The following EXT1 variants were observed in gnomAD, a reference collection of about 807,000 sequenced individuals.
EXT1 encodes the protein exostosin glycosyltransferase 1, also known as exostosin-1.
EXT1 carries 20 observed loss-of-function variants against 82.5 expected under a neutral mutation model. The observed-to-expected ratio is 0.24, with a 90% CI of 0.17 to 0.35. The LOEUF is 0.35. EXT1 is among the 10% of genes least tolerant of loss of function. The probability of loss-of-function intolerance (pLI) is 1.00; values close to 1 mark genes in which losing one functional copy is unlikely to be tolerated. For missense variants in EXT1, 757 were observed against 936.5 expected, an observed-to-expected ratio of 0.81 and a Z score of 2.50; for synonymous variants, 348 against 350.8, an observed-to-expected ratio of 0.99 and a Z score of 0.09.
At chr8:117,809,105 G>A (rs1404214667) in intron 8 of EXT1, among the ~76,000 whole-genome samples, 2 of 151,160 alleles carry the variant, frequency 1.3e-5, no homozygotes, top group Admixed American at 1.3e-4. Context: ...GGATTTCTCA[G>A]CCCCCAGGAT....
chr8:117,807,953 C>A (rs374822826), intron 8 of EXT1, among the ~76,000 whole-genome samples: 11 of 151,860 alleles, frequency 7.2e-5, no homozygotes, highest in African/African-American at 2.2e-4. Flanking sequence ...TTTGAAGATG[C>A]ACAGTTTAAG....
chr8:117,799,791 T>C lies in EXT1; in HGVS notation c.2162A>G (p.Gln721Arg). The part of the protein sequence containing the change: ...WFGYMPLIHS[Q>R]MRLDPVLFKD... ...AAAGAGGACGGGGTCGAGCCTCATC[T>C]GAGAGTGGATCAGCGGCATGTAGCC... Residue 721 changes from glutamine to arginine, a missense_variant, in exon 11 of 11, where the codon CAG becomes CGG. Gln to Arg is a conservative substitution (Grantham distance 43). Around this residue, in one of 4 missense-constraint regions of EXT1, gnomAD observed 128 missense variants for 223.2 expected, o/e 0.57. Transcript: ENST00000378204. The C allele has an allele frequency of 6.2e-7, 1 of 1,614,184 alleles. No individual in the cohort carries two copies. Among genetic ancestry groups the C allele is most frequent in the Non-Finnish European group, 8.5e-7 (1 of 1,180,038 alleles).
At chr8:117,930,303 A>C (rs1035797511) in intron 1 of EXT1, among the ~76,000 whole-genome samples, 1 of 152,246 alleles carries the variant, frequency 6.6e-6, no homozygotes, top group African/African-American at 2.4e-5. Context: ...GGAAGGGTGG[A>C]GAATGACAAG....
chr8:117,829,719 G>A (rs993052198), intron 4 of EXT1, among the ~76,000 whole-genome samples: 13 of 151,578 alleles, frequency 8.6e-5, no homozygotes, highest in African/African-American at 2.9e-4. Context: ...GATTACAAGC[G>A]TGTGCCACCA....
intron 1 of EXT1, among the ~76,000 whole-genome samples, chr8:117,890,960 A>T (rs1464152394): frequency 6.6e-6 from 1 of 152,162 alleles, no homozygotes; most frequent in African/African-American, 2.4e-5. Context: ...TCCTTCCTCC[A>T]AACTACTCCC....
intron 1 of EXT1, among the ~76,000 whole-genome samples, chr8:117,861,266 C>T (rs1020293689): frequency 6.6e-6 from 1 of 152,160 alleles, no homozygotes; most frequent in Admixed American, 6.5e-5. Context: ...CTAGCTAATT[C>T]ATAATTTACA....
chr8:118,083,954 G>A (rs1231662292), intron 1 of EXT1, among the ~76,000 whole-genome samples: 8 of 152,072 alleles, frequency 5.3e-5, no homozygotes, highest in Non-Finnish European at 7.4e-5. Flanking sequence ...GCTTGAACCC[G>A]GGAGGCAGAG....
chr8:118,041,665 A>AGAAGGAAGGAAGGAAG (rs57360744), intron 1 of EXT1, among the ~76,000 whole-genome samples: 3,325 of 125,102 alleles, frequency 0.027, 73 homozygotes, highest in East Asian at 0.028. Context: ...AGAGAGAGAA[A>AGAAGGAAGGAAGGAAG]GAAGGAAGGA....
At chr8:118,026,355 T>C (rs1816202023) in intron 1 of EXT1, among the ~76,000 whole-genome samples, 1 of 152,212 alleles carries the variant, frequency 6.6e-6, no homozygotes, top group Non-Finnish European at 1.5e-5. Context: ...GTTTGTGGCA[T>C]GCTGTTGCTT....
In EXT1 at chr8:117,796,885, A is replaced by C. The variant is rs1410868991; in HGVS notation, c.*2827T>G. The C allele has an allele frequency of 6.6e-6, 1 of 152,216 alleles. No individual in the cohort carries two copies. Among genetic ancestry groups the C allele is most frequent in the Non-Finnish European group, 1.5e-5 (1 of 68,028 alleles). 9.4% of individuals were successfully genotyped at this position (152,216 alleles called of 1,614,324 possible). A position where few individuals can be genotyped will look rare whatever the true frequency, so the allele number is the denominator to read the frequency against. On this transcript the variant is annotated 3_prime_UTR_variant, in exon 11 of 11. Transcript: ENST00000378204. ...TAAATAAATACACAGCCAGCTTTTAAAAAATTACTTTTAAGATCCTGTGTC... is the reference window on the plus strand; with the variant it reads ...TAAATAAATACACAGCCAGCTTTTACAAAATTACTTTTAAGATCCTGTGTC...
Position 118,097,177 on chromosome 8 carries a change from G to A in EXT1, c.962+12908C>T, listed in dbSNP as rs901060685. Among the ~76,000 whole-genome samples the A allele has an allele frequency of 5.3e-5, 8 of 152,260 alleles. 1 individual carries two copies. The highest frequency in any genetic ancestry group is 1.9e-4 in the East Asian group (1 of 5,174). ...GGAACTTCGGCCGGCTGGGTGCAGC[G>A]GCTCACGCCTGTAATCCCAGCATTC... On this transcript the variant is annotated intron_variant, in intron 1 of 10. Transcript: ENST00000378204.
intron 1 of EXT1, among the ~76,000 whole-genome samples, chr8:118,063,487 C>T (rs1290140401): frequency 6.6e-6 from 1 of 152,226 alleles, no homozygotes; most frequent in African/African-American, 2.4e-5. Flanking sequence ...ACAGTCTGGA[C>T]AGAGGTGAAC....
chr8:117,855,628 C>T (rs1024073949), intron 1 of EXT1, among the ~76,000 whole-genome samples: 3 of 152,150 alleles, frequency 2.0e-5, no homozygotes, highest in Non-Finnish European at 2.9e-5. Flanking sequence ...CCTACAATGG[C>T]CTACAAGTGT....
At chr8:118,054,257 T>C (rs1198165765) in intron 1 of EXT1, among the ~76,000 whole-genome samples, 1 of 152,210 alleles carries the variant, frequency 6.6e-6, no homozygotes, top group Non-Finnish European at 1.5e-5. Context: ...CCATCTTTCC[T>C]AGTAAGTAGG....
At position 118,100,355 on chromosome 8, in the gene EXT1, A is replaced by G. The variant is rs772385498; in HGVS notation, c.962+9730T>C. On this transcript the variant is annotated intron_variant, in intron 1 of 10. Transcript: ENST00000378204. ...CAAATGATTTTCGGCTCTTTGCAAC[A>G]TAAGGGCCTGCTGAACCGGCCGAGG... Among the ~76,000 whole-genome samples the G allele has an allele frequency of 5.2e-4, 79 of 152,264 alleles. 1 individual carries two copies. Among genetic ancestry groups the G allele is most frequent in the Non-Finnish European group, 9.3e-4 (63 of 68,022 alleles).
chr8:117,853,581 T>G (rs1450161020), intron 1 of EXT1, among the ~76,000 whole-genome samples: 1 of 152,180 alleles, frequency 6.6e-6, no homozygotes, highest in African/African-American at 2.4e-5. Context: ...ACGTTACAGA[T>G]AGTAAAGCTG....
chr8:117,829,623 G>C (rs1812065035), intron 4 of EXT1, among the ~76,000 whole-genome samples: 1 of 145,826 alleles, frequency 6.9e-6, no homozygotes, highest in African/African-American at 2.5e-5. Flanking sequence ...GCCCAGGCTG[G>C]AGTATAATGG....
intron 1 of EXT1, among the ~76,000 whole-genome samples, chr8:117,910,540 A>C (rs771554303): frequency 6.6e-6 from 1 of 152,216 alleles, no homozygotes; most frequent in Non-Finnish European, 1.5e-5. Flanking sequence ...GAACAGATAC[A>C]CTGAATTACT....
chr8:117,883,684 C>A (rs978894258), intron 1 of EXT1, among the ~76,000 whole-genome samples: 4 of 152,168 alleles, frequency 2.6e-5, no homozygotes, highest in African/African-American at 9.7e-5. Context: ...AGTCCACTAG[C>A]GAAGCAATCC....
Sources: gnomAD v4.1 joint callset for allele counts (sites outside exome capture counted in the v4.1 genomes callset) on GRCh38, gnomAD v4.1.1 for gene constraint, gnomAD v4.1.1 regional missense constraint, MANE v1.5 for transcripts, NCBI Gene and HGNC (gene_info 2026-07-23, HGNC 2026-07-21) for gene names.